The following GPC5 variants were observed in gnomAD, a reference collection of about 807,000 sequenced individuals.
The protein encoded by GPC5 is glypican 5.
A neutral mutation model predicts 53.9 loss-of-function variants in GPC5; 47 were observed. The observed-to-expected ratio is 0.87, with a 90% confidence interval of 0.69 to 1.11. The LOEUF (loss-of-function observed/expected upper bound fraction) is 1.11, where lower values mean the gene tolerates loss of function less well. Ranked by LOEUF, GPC5 falls within the 50% of genes most tolerant of loss-of-function variation. The probability of loss-of-function intolerance (pLI) is 0.00; values close to 1 mark genes in which losing one functional copy is unlikely to be tolerated. For missense variants in GPC5, 748 were observed against 713.1 expected, an observed-to-expected ratio of 1.05 and a Z score of -0.56; for synonymous variants, 286 against 263.3, an observed-to-expected ratio of 1.09 and a Z score of -0.84.
intron 2 of GPC5, among the ~76,000 whole-genome samples, chr13:91,551,793 GA>G (rs1310420354): frequency 6.6e-6 from 1 of 152,032 alleles, no homozygotes; most frequent in Non-Finnish European, 1.5e-5. Flanking sequence ...AGGAGAGAAA[GA>G]GCAACATTAT....
chr13:92,408,125 A>G (rs925237602), intron 7 of GPC5, among the ~76,000 whole-genome samples: 2 of 152,190 alleles, frequency 1.3e-5, no homozygotes, highest in African/African-American at 4.8e-5. Flanking sequence ...CAGCAGTGGC[A>G]TTAGATTATC....
chr13:91,453,216 T>A (rs1029196569), intron 2 of GPC5, among the ~76,000 whole-genome samples: 2 of 151,958 alleles, frequency 1.3e-5, no homozygotes, highest in African/African-American at 4.8e-5. Flanking sequence ...CTATTTTTAA[T>A]GAAATGTAGG....
At position 91,971,121 on chromosome 13, in the gene GPC5, T is replaced by C. The variant is rs1215820790; in HGVS notation, c.1401+63064T>C. 1.3e-5 allele frequency among the ~76,000 whole-genome samples: 2 copies of C among 152,230 alleles called. 1 individual carries two copies. The highest frequency in any genetic ancestry group is 1.3e-4 in the Admixed American group (2 of 15,280). ...TGGACTTTTTTTGGTTGGTAGACTA[T>C]TGATTATTCCCACAATTTCAGAGCC... On this transcript the variant is annotated intron_variant, in intron 6 of 7. Transcript: ENST00000377067.
chr13:92,277,603 A>G (rs2042885028), intron 7 of GPC5, among the ~76,000 whole-genome samples: 1 of 152,026 alleles, frequency 6.6e-6, no homozygotes. Context: ...GAATAAGAAT[A>G]TATTAAAATT....
intron 5 of GPC5, among the ~76,000 whole-genome samples, chr13:91,779,518 A>C (rs1365255212): frequency 6.6e-6 from 1 of 151,980 alleles, no homozygotes; most frequent in Non-Finnish European, 1.5e-5. Flanking sequence ...ATACCACCAC[A>C]ACGAGCTAAT....
intron 5 of GPC5, among the ~76,000 whole-genome samples, chr13:91,766,003 A>C (rs1179649266): frequency 1.3e-5 from 2 of 152,250 alleles, no homozygotes; most frequent in African/African-American, 4.8e-5. Context: ...ATAAATACAA[A>C]AATATAGTAA....
chr13:92,360,892 C>T (rs892292140), intron 7 of GPC5, among the ~76,000 whole-genome samples: 14 of 151,878 alleles, frequency 9.2e-5, no homozygotes, highest in African/African-American at 2.9e-4. Flanking sequence ...AAATAAATAG[C>T]GTATGTTACA....
At chr13:92,111,504 T>C (rs570829600) in intron 6 of GPC5, among the ~76,000 whole-genome samples, 1 of 152,260 alleles carries the variant, frequency 6.6e-6, no homozygotes, top group African/African-American at 2.4e-5. Context: ...AAATTACTTA[T>C]TTATACTTAT....
Position 92,620,473 on chromosome 13 carries a change from A to G in GPC5, c.1562-245809A>G, listed in dbSNP as rs998062003. On this transcript the variant is annotated intron_variant, in intron 7 of 7. Coordinates refer to ENST00000377067, the MANE Select transcript of GPC5 (RefSeq NM_004466.6). ...CCAGGTTTTTTGTTTCTCGTTTTAC[A>G]TTTTGTAATATAAAGTCACTGATGA... is the stretch of plus-strand genomic sequence containing the variant. Among the ~76,000 whole-genome samples the G allele has an allele frequency of 6.6e-5, 10 of 152,190 alleles. 1 individual carries two copies. Among genetic ancestry groups the G allele is most frequent in the Non-Finnish European group, 1.5e-4 (10 of 68,022 alleles).
At chr13:92,058,677 G>A (rs754436600) in intron 6 of GPC5, among the ~76,000 whole-genome samples, 3 of 152,128 alleles carry the variant, frequency 2.0e-5, no homozygotes, top group Non-Finnish European at 4.4e-5. Context: ...CCATGTAGCT[G>A]GGATTACAGG....
chr13:92,773,845 T>G (rs1026254667), intron 7 of GPC5, among the ~76,000 whole-genome samples: 3 of 152,150 alleles, frequency 2.0e-5, no homozygotes, highest in African/African-American at 7.2e-5. Context: ...ACTGGGTAAT[T>G]TAGAAAGAAA....
At chr13:92,544,692 A>T (rs576866050) in intron 7 of GPC5, among the ~76,000 whole-genome samples, 1 of 152,078 alleles carries the variant, frequency 6.6e-6, no homozygotes, top group Admixed American at 6.6e-5. Context: ...GTAGTGAAAC[A>T]TAATTTATTT....
At chr13:91,810,087 C>G (rs918518193) in intron 5 of GPC5, among the ~76,000 whole-genome samples, 10 of 151,702 alleles carry the variant, frequency 6.6e-5, no homozygotes, top group African/African-American at 2.4e-4. Flanking sequence ...ATTGAAACTA[C>G]AAGAAATTTG....
intron 7 of GPC5, among the ~76,000 whole-genome samples, chr13:92,762,742 A>G (rs776963304): frequency 6.6e-6 from 1 of 152,078 alleles, no homozygotes; most frequent in Non-Finnish European, 1.5e-5. Context: ...CATAAGTTTC[A>G]TAGTTTGTCT....
At chr13:91,863,333 G>A (rs900912759) in intron 5 of GPC5, among the ~76,000 whole-genome samples, 1 of 151,962 alleles carries the variant, frequency 6.6e-6, no homozygotes, top group African/African-American at 2.4e-5. Flanking sequence ...TCTAGATTCT[G>A]TTATTTTACT....
chr13:91,492,622 T>C (rs1159967033), intron 2 of GPC5, among the ~76,000 whole-genome samples: 1 of 152,206 alleles, frequency 6.6e-6, no homozygotes, highest in East Asian at 1.9e-4. Flanking sequence ...CCAGCTGCTT[T>C]GTTCAGTTCA....
intron 5 of GPC5, among the ~76,000 whole-genome samples, chr13:91,854,369 G>A (rs998780255): frequency 6.6e-6 from 1 of 151,746 alleles, no homozygotes; most frequent in Non-Finnish European, 1.5e-5. Flanking sequence ...ATCCCCTCAA[G>A]CATTTATCGT....
chr13:91,579,003 A>G (rs870113), intron 2 of GPC5, among the ~76,000 whole-genome samples: 69,534 of 152,090 alleles, frequency 0.46, 17,298 homozygotes, highest in African/African-American at 0.67. Context: ...CCGAGATCAC[A>G]CCAGTGCACT....
chr13:92,726,918 T>C (rs572789559), intron 7 of GPC5, among the ~76,000 whole-genome samples: 20 of 151,628 alleles, frequency 1.3e-4, no homozygotes, highest in East Asian at 3.9e-4. Context: ...AGAAAACTTA[T>C]TGTGAGAGCT....
Sources: gnomAD v4.1 joint callset for allele counts (sites outside exome capture counted in the v4.1 genomes callset) on GRCh38, gnomAD v4.1.1 for gene constraint, MANE v1.5 for transcripts, NCBI Gene and HGNC (gene_info 2026-07-23, HGNC 2026-07-21) for gene names.